The following SNED1 variants were observed in gnomAD, a reference collection of about 807,000 sequenced individuals.
SNED1 encodes sushi, nidogen and EGF-like domain-containing protein 1.
SNED1 carries 81 observed loss-of-function variants against 166.7 expected under a neutral mutation model. That is an observed-to-expected ratio of 0.49 (90% CI 0.41 to 0.58). SNED1 has a LOEUF of 0.58. Among genes scored for constraint, SNED1 ranks in the 20% least tolerant of loss-of-function variants. The pLI, the probability that SNED1 is intolerant of heterozygous loss-of-function variation, is 0.00. For synonymous variants in SNED1, 762 were observed against 822.0 expected (o/e 0.93, Z 1.25); for missense variants, 1,604 against 2,000.2 (o/e 0.80, Z 3.78).
At chr2:241,014,353 C>T (rs771686246) in intron 1 of SNED1, among the ~76,000 whole-genome samples, 5 of 152,198 alleles carry the variant, frequency 3.3e-5, no homozygotes, top group Non-Finnish European at 7.3e-5. Context: ...CCAGTGCACA[C>T]AAGTCCACAT....
chr2:241,091,862 C>G lies in SNED1; in HGVS notation c.*226C>G, dbSNP rs2064030534. The stretch of plus-strand genomic sequence containing the variant: ...CCTCTGGGACCAACCACCTGTGAGT[C>G]CTGCGATGCGTTTAAGCAGCCTGTG... On this transcript the variant is annotated 3_prime_UTR_variant, in exon 32 of 32. Coordinates refer to ENST00000310397, the MANE Select transcript of SNED1 (RefSeq NM_001080437.3). This position sits in a 1 kb window ranked among gnomAD's most constrained non-coding sequence, Gnocchi z 4.1. 1 of 152,540 alleles carries G rather than the reference C, an allele frequency of 6.6e-6. No homozygotes were observed. The highest frequency in any genetic ancestry group is 1.5e-5 in the Non-Finnish European group (1 of 68,324). The allele number at this position is 152,540 out of a possible 1,614,324, so 9.4% of individuals were successfully genotyped here.
chr2:241,081,534 C>T (rs941734022), intron 27 of SNED1, 143 bp from the exon 28 acceptor site: 23 of 649,670 alleles, frequency 3.5e-5, no homozygotes, highest in Non-Finnish European at 4.8e-5. Context: ...GGCCCAGAGG[C>T]GTTTGGGAGG....
chr2:241,053,128 C>A, intron 15 of SNED1, 25 bp from the exon 16 acceptor site: 1 of 1,598,212 alleles, frequency 6.3e-7, no homozygotes, highest in Non-Finnish European at 8.5e-7. Context: ...CAGGACCGTG[C>A]GAGACAGGCT....
At chr2:241,028,317 C>T (rs576841507) in intron 1 of SNED1, among the ~76,000 whole-genome samples, 1 of 151,940 alleles carries the variant, frequency 6.6e-6, no homozygotes, top group African/African-American at 2.4e-5. Context: ...TCTGTTTTTT[C>T]TTTTGTTGCC....
At position 241,088,410 on chromosome 2, in the gene SNED1, C is replaced by T; in HGVS notation, c.*1+8C>T. ...CACTGGAGAAATCTTAAGGTACGTC[C>T]CTGCTGCTCCCGCCCCACTACCACA... On this transcript the variant is annotated splice_region_variant and intron_variant, in intron 31 of 31. Transcript: ENST00000310397. 6.2e-7 allele frequency: 1 copy of T among 1,608,464 alleles called. No homozygotes were observed. Among genetic ancestry groups the T allele is most frequent in the African/African-American group, 1.3e-5 (1 of 74,926 alleles).
At chr2:241,080,627 G>A (rs1340088979) in intron 27 of SNED1, among the ~76,000 whole-genome samples, 1 of 152,228 alleles carries the variant, frequency 6.6e-6, no homozygotes, top group Admixed American at 6.5e-5. Context: ...CCAACCTGAA[G>A]GGCTCCCGCT....
intron 1 of SNED1, among the ~76,000 whole-genome samples, chr2:241,001,210 AG>A (rs776820103): frequency 6.6e-6 from 1 of 152,196 alleles, no homozygotes; most frequent in Non-Finnish European, 1.5e-5. Flanking sequence ...CTCCGCCCCC[AG>A]CCTGTCGCTT....
chr2:241,052,187 G>C, intron 14 of SNED1, 30 bp downstream of exon 14: 1 of 1,581,786 alleles, frequency 6.3e-7, no homozygotes, highest in Non-Finnish European at 8.7e-7. Flanking sequence ...AGGCCAGGGC[G>C]GCCAGGGGTG....
In SNED1 at chr2:241,065,618, G is replaced by A. The variant is rs200312012; in HGVS notation, c.3010+23G>A. The A allele has an allele frequency of 3.4e-4, 546 of 1,603,784 alleles. 1 individual carries two copies. Among genetic ancestry groups the A allele is most frequent in the Middle Eastern group, 8.0e-4 (4 of 5,008 alleles). ...CGCGTGAGTGTCCCCGAGCCTGGCC[G>A]TCCCTGCCCAGCCCCTGCCCCTCGA... is the stretch of plus-strand genomic sequence containing the variant. On this transcript the variant is annotated intron_variant, in intron 21 of 31. Transcript: ENST00000310397.
At position 241,030,700 on chromosome 2, in the gene SNED1, G is replaced by A. The variant is rs1045920238; in HGVS notation, c.501+129G>A. On this transcript the variant is annotated intron_variant, in intron 2 of 31. Transcript: ENST00000310397. ...TGGTCCATACCCAAGAGGGGAACAC[G>A]TGGTCAAAACCACAGAGCCAGAGCA... 12 of 1,021,684 alleles carry A rather than the reference G, an allele frequency of 1.2e-5. 1 individual carries two copies. The highest frequency in any genetic ancestry group is 9.8e-5 in the South Asian group (6 of 61,348). The allele number at this position is 1,021,684 out of a possible 1,614,324, so 63.3% of individuals were successfully genotyped here. A position where few individuals can be genotyped will look rare whatever the true frequency, so the allele number is the denominator to read the frequency against.
rs140322264 is a variant in SNED1, at chr2:241,048,542, G to T, written c.1399+102G>T. 343 of 1,491,104 alleles carry T rather than the reference G, an allele frequency of 2.3e-4. 2 individuals are homozygous for T. In the African/African-American group the frequency reaches 4.0e-3, roughly 17 times the overall value. 92.4% of individuals were successfully genotyped at this position (1,491,104 alleles called of 1,614,324 possible). On this transcript the variant is annotated intron_variant, in intron 9 of 31. Transcript: ENST00000310397. ...CAGGAAACGCCCCGAAAAGAAACGT[G>T]TGAGTGCGCGTCCACTGCAATTTGT...
At position 241,048,830 on chromosome 2, in the gene SNED1, G is replaced by T. The variant is rs573686563; in HGVS notation, c.1504+64G>T. 6 of 1,406,742 alleles carry T rather than the reference G, an allele frequency of 4.3e-6. No individual in the cohort carries two copies. In the South Asian group the frequency reaches 7.3e-5, roughly 17 times the overall value. The allele number at this position is 1,406,742 out of a possible 1,614,324, so 87.1% of individuals were successfully genotyped here. On this transcript the variant is annotated intron_variant, in intron 10 of 31. Coordinates refer to ENST00000310397, the MANE Select transcript of SNED1 (RefSeq NM_001080437.3). ...CATCCTCATAATCGGGAAATGAATG[G>T]TGGCTTCGGCCGGGGTCCGTAGGTC...
intron 21 of SNED1, among the ~76,000 whole-genome samples, chr2:241,066,980 G>A (rs1410347617): frequency 6.6e-6 from 1 of 152,252 alleles, no homozygotes; most frequent in Non-Finnish European, 1.5e-5. Context: ...GCATGTGCGG[G>A]TGGCACTGAG....
chr2:240,999,309 C>G lies in SNED1; in HGVS notation c.213+259C>G, dbSNP rs1197909197. Among the ~76,000 whole-genome samples, 3 of 151,536 alleles carry G rather than the reference C, an allele frequency of 2.0e-5. No homozygotes were observed. The highest frequency in any genetic ancestry group is 4.4e-5 in the Non-Finnish European group (3 of 67,808). On this transcript the variant is annotated intron_variant, in intron 1 of 31. Coordinates refer to ENST00000310397, the MANE Select transcript of SNED1 (RefSeq NM_001080437.3). This position sits in a 1 kb window ranked among gnomAD's most constrained non-coding sequence, Gnocchi z 5.8. ...TGGAGCGCGGCGCCCCGGCCCCTGC[C>G]AGACCTGCCGAGCGCGTCTTCCCGG...
intron 12 of SNED1, chr2:241,050,152 C>T (rs970933202): frequency 5.0e-6 from 3 of 596,210 alleles, no homozygotes; most frequent in Non-Finnish European, 6.1e-6. Flanking sequence ...TGGTCATTAC[C>T]TTGCTCTTCT....
chr2:241,024,045 C>G (rs2060856964), intron 1 of SNED1, among the ~76,000 whole-genome samples: 4 of 150,420 alleles, frequency 2.7e-5, no homozygotes, highest in African/African-American at 9.8e-5. Context: ...GCCACCACAC[C>G]CAGCTAATTT....
intron 24 of SNED1, among the ~76,000 whole-genome samples, chr2:241,070,635 T>C (rs1320502264): frequency 6.6e-6 from 1 of 152,098 alleles, no homozygotes; most frequent in African/African-American, 2.4e-5. Context: ...CAGGCAGGAA[T>C]GCTGGGGAGC....
Position 241,082,442 on chromosome 2 carries a change from C to G in SNED1, c.4121+78C>G, listed in dbSNP as rs913284768. 4 of 1,092,176 alleles carry G rather than the reference C, an allele frequency of 3.7e-6. No homozygotes were observed. The East Asian group carries it at 9.7e-5, about 26-fold the overall frequency. The allele number at this position is 1,092,176 out of a possible 1,614,324, so 67.7% of individuals were successfully genotyped here. ...CCTCAAAGTGCTGTCTCAAAGCTAC[C>G]CAGCTAACCCTGAGGAGGGACGATG... On this transcript the variant is annotated intron_variant, in intron 29 of 31. Transcript: ENST00000310397.
Position 241,043,190 on chromosome 2 carries a change from G to A in SNED1, c.1273+2777G>A, listed in dbSNP as rs144496520. Among the ~76,000 whole-genome samples the A allele has an allele frequency of 6.0e-4, 92 of 152,288 alleles. 1 individual carries two copies. The Middle Eastern group carries it at 0.01, about 17-fold the overall frequency. ...ACTAAAACCCACATTTCCAAGAAAA[G>A]CATGAAGAAAACCATGCAAAGCCAT... On this transcript the variant is annotated intron_variant, in intron 8 of 31. Coordinates refer to ENST00000310397, the MANE Select transcript of SNED1 (RefSeq NM_001080437.3).
Sources: allele counts gnomAD v4.1 joint callset (sites outside exome capture counted in the v4.1 genomes callset), GRCh38; gene constraint gnomAD v4.1.1; non-coding constraint Gnocchi (gnomAD v3.1); transcripts MANE v1.5; gene names NCBI Gene and HGNC (gene_info 2026-07-23, HGNC 2026-07-21).